CRCT1: variants seen among roughly 807,000 people sequenced by gnomAD.
CRCT1 encodes the protein cysteine-rich C-terminal protein 1.
For missense variants in CRCT1, 160 were observed against 136.3 expected (o/e 1.17, Z -0.87); for synonymous variants, 86 against 60.3 (o/e 1.43, Z -1.98).
In CRCT1 at chr1:152,515,459, G is replaced by A; in HGVS notation, c.76G>A (p.Ala26Thr). The change falls in exon 2 of 2, where the codon GCC becomes ACC. Residue 26 changes from alanine (A) to threonine (T), a missense_variant. Coordinates refer to ENST00000368790, the MANE Select transcript of CRCT1 (RefSeq NM_019060.3). The stretch of plus-strand genomic sequence containing the variant: ...GTCCCAGGGCCCCGCTCCGTGTCCC[G>A]CCCCGGCGCCCACCCCGGCGCCCGC... ...GSSQGPAPCP[A>T]PAPTPAPASS... The A allele has an allele frequency of 1.2e-6, 2 of 1,602,052 alleles. No homozygotes were observed. The highest frequency in any genetic ancestry group is 1.7e-6 in the Non-Finnish European group (2 of 1,176,998).
At chr1:152,514,851 A>G (rs377215958) in intron 1 of CRCT1, among the ~76,000 whole-genome samples, 8 of 152,302 alleles carry the variant, frequency 5.3e-5, no homozygotes, top group African/African-American at 1.9e-4. Flanking sequence ...GTTGTGGGGC[A>G]TGAGAGGCGT....
chr1:152,514,859 C>T (rs776767146), intron 1 of CRCT1, among the ~76,000 whole-genome samples: 14 of 152,070 alleles, frequency 9.2e-5, no homozygotes, highest in East Asian at 1.9e-4. Context: ...GCATGAGAGG[C>T]GTAGGCAAGA....
Position 152,515,862 on chromosome 1 carries a change from A to T in CRCT1, c.*179A>T, listed in dbSNP as rs115253947. 1.8e-3 allele frequency: 1,958 copies of T among 1,087,758 alleles called. 25 individuals carry two copies. In the African/African-American group the frequency reaches 0.021, roughly 12 times the overall value. 67.4% of individuals were successfully genotyped at this position (1,087,758 alleles called of 1,614,324 possible). A position where few individuals can be genotyped will look rare whatever the true frequency, so the allele number is the denominator to read the frequency against. ...CGCAAAACTCCCTGACCCCGATGTG[A>T]TTTTTCTCCCCGGGGATTCGAGAGC... On this transcript the variant is annotated 3_prime_UTR_variant, in exon 2 of 2. Transcript: ENST00000368790.
chr1:152,515,913 G>C lies in CRCT1; in HGVS notation c.*230G>C. 1 of 590,120 alleles carries C rather than the reference G, an allele frequency of 1.7e-6. No individual in the cohort carries two copies. Among genetic ancestry groups the C allele is most frequent in the Non-Finnish European group, 2.8e-6 (1 of 361,238 alleles). 36.6% of individuals were successfully genotyped at this position (590,120 alleles called of 1,614,324 possible). A position where few individuals can be genotyped will look rare whatever the true frequency, so the allele number is the denominator to read the frequency against. Reference sequence around the variant, plus strand: ...CATGCGTGGGACACTGGACCCTACTGTCTACACGGGCTTGCACACAGCAGG... The same window carrying C: ...CATGCGTGGGACACTGGACCCTACTCTCTACACGGGCTTGCACACAGCAGG... On this transcript the variant is annotated 3_prime_UTR_variant, in exon 2 of 2. Coordinates refer to ENST00000368790, the MANE Select transcript of CRCT1 (RefSeq NM_019060.3).
At chr1:152,515,039 T>C (rs1157477832) in intron 1 of CRCT1, among the ~76,000 whole-genome samples, 1 of 152,130 alleles carries the variant, frequency 6.6e-6, no homozygotes, top group Non-Finnish European at 1.5e-5. Context: ...CAAGTGGAGA[T>C]TTTGGACTGG....
Position 152,515,653 on chromosome 1 carries a change from C to A in CRCT1, c.270C>A (p.Asn90Lys). The change falls in exon 2 of 2, where the codon AAC becomes AAA. Residue 90 changes from asparagine to lysine, a missense_variant. Coordinates refer to ENST00000368790, the MANE Select transcript of CRCT1 (RefSeq NM_019060.3). ...GGSQRSQRSN[N>K]RSSGCCSGC ...GCCAGAGGTCCCAGCGCTCCAACAACCGGAGCTCAGGATGCTGCTCCGGCT... is the reference window on the plus strand; with the variant it reads ...GCCAGAGGTCCCAGCGCTCCAACAAACGGAGCTCAGGATGCTGCTCCGGCT... The A allele has an allele frequency of 6.4e-7, 1 of 1,565,790 alleles. No homozygotes were observed.
chr1:152,515,405 G>A lies in CRCT1; in HGVS notation c.22G>A (p.Val8Ile), dbSNP rs1658716513. 6.4e-7 allele frequency: 1 copy of A among 1,559,428 alleles called. No homozygotes were observed. Reference sequence around the variant, plus strand: ...CGCGATGTCCTCTCAACAGAGCGCCGTTTCCGCCAAAGGCTTTTCCAAGGG... The same window carrying A: ...CGCGATGTCCTCTCAACAGAGCGCCATTTCCGCCAAAGGCTTTTCCAAGGG... MSSQQSAVSAKGFSKGSS... is the reference protein window; with the variant it reads MSSQQSAISAKGFSKGSS... Residue 8 changes from valine (V) to isoleucine (I), a missense_variant, in exon 2 of 2, where the codon GTT becomes ATT. By Grantham distance (29) the Val-to-Ile change is conservative. Transcript: ENST00000368790.
rs1375400951 is a variant in CRCT1, at chr1:152,515,630, C to G, written c.247C>G (p.Gln83Glu). The change falls in exon 2 of 2, where the codon CAG (glutamine) becomes GAG (glutamate). Residue 83 changes from glutamine (Q) to glutamate (E), a missense_variant. Coordinates refer to ENST00000368790, the MANE Select transcript of CRCT1 (RefSeq NM_019060.3). ...TTGCTGCTGCTGCGGGGGCGGCAGCCAGAGGTCCCAGCGCTCCAACAACCG... is the reference window on the plus strand; with the variant it reads ...TTGCTGCTGCTGCGGGGGCGGCAGCGAGAGGTCCCAGCGCTCCAACAACCG... Reference protein sequence around the residue: ...SGCCCCGGGSQRSQRSNNRSS... With the variant: ...SGCCCCGGGSERSQRSNNRSS... 1.3e-6 allele frequency: 2 copies of G among 1,580,790 alleles called. No individual in the cohort carries two copies. Among genetic ancestry groups the G allele is most frequent in the Middle Eastern group, 2.3e-4 (1 of 4,416 alleles).
Position 152,515,941 on chromosome 1 carries a change from C to T in CRCT1, c.*258C>T. 2.3e-6 allele frequency: 1 copy of T among 444,216 alleles called. No individual in the cohort carries two copies. Among genetic ancestry groups the T allele is most frequent in the East Asian group, 3.6e-5 (1 of 28,004 alleles). The allele number at this position is 444,216 out of a possible 1,614,324, so 27.5% of individuals were successfully genotyped here. A position where few individuals can be genotyped will look rare whatever the true frequency, so the allele number is the denominator to read the frequency against. On this transcript the variant is annotated 3_prime_UTR_variant, in exon 2 of 2. Transcript: ENST00000368790. ...TACACGGGCTTGCACACAGCAGGTG[C>T]TCAGCAAATGTCTATTGATTTGATT...
Position 152,515,910 on chromosome 1 carries a change from A to G in CRCT1, c.*227A>G. 1.6e-6 allele frequency: 1 copy of G among 622,858 alleles called. No homozygotes were observed. The highest frequency in any genetic ancestry group is 3.8e-5 in the Admixed American group (1 of 26,518). 38.6% of individuals were successfully genotyped at this position (622,858 alleles called of 1,614,324 possible). A position where few individuals can be genotyped will look rare whatever the true frequency, so the allele number is the denominator to read the frequency against. ...AGCCATGCGTGGGACACTGGACCCT[A>G]CTGTCTACACGGGCTTGCACACAGC... On this transcript the variant is annotated 3_prime_UTR_variant, in exon 2 of 2. Coordinates refer to ENST00000368790, the MANE Select transcript of CRCT1 (RefSeq NM_019060.3).
In CRCT1 at chr1:152,515,824, T is replaced by G. The variant is rs1430180887; in HGVS notation, c.*141T>G. On this transcript the variant is annotated 3_prime_UTR_variant, in exon 2 of 2. Coordinates refer to ENST00000368790, the MANE Select transcript of CRCT1 (RefSeq NM_019060.3). Reference sequence around the variant, plus strand: ...GCACTTTGATGTTCAGAAACCCACTTTGTTCTCAGCCACGCAAAACTCCCT... The same window carrying G: ...GCACTTTGATGTTCAGAAACCCACTGTGTTCTCAGCCACGCAAAACTCCCT... 3 of 1,352,686 alleles carry G rather than the reference T, an allele frequency of 2.2e-6. No individual in the cohort carries two copies. The highest frequency in any genetic ancestry group is 2.9e-6 in the Non-Finnish European group (3 of 1,032,628). 83.8% of individuals were successfully genotyped at this position (1,352,686 alleles called of 1,614,324 possible).
In CRCT1 at chr1:152,515,876, G is replaced by A. The variant is rs1658741644; in HGVS notation, c.*193G>A. The A allele has an allele frequency of 2.1e-6, 2 of 974,252 alleles. No homozygotes were observed. The highest frequency in any genetic ancestry group is 1.7e-5 in the African/African-American group (1 of 57,732). The allele number at this position is 974,252 out of a possible 1,614,324, so 60.4% of individuals were successfully genotyped here. On this transcript the variant is annotated 3_prime_UTR_variant, in exon 2 of 2. Coordinates refer to ENST00000368790, the MANE Select transcript of CRCT1 (RefSeq NM_019060.3). Reference sequence around the variant, plus strand: ...ACCCCGATGTGATTTTTCTCCCCGGGGATTCGAGAGCCATGCGTGGGACAC... The same window carrying A: ...ACCCCGATGTGATTTTTCTCCCCGGAGATTCGAGAGCCATGCGTGGGACAC...
At chr1:152,514,837 C>A (rs914525409) in intron 1 of CRCT1, among the ~76,000 whole-genome samples, 1 of 152,180 alleles carries the variant, frequency 6.6e-6, no homozygotes, top group Admixed American at 6.5e-5. Context: ...TCCTTTCCCA[C>A]ATGGTTGTGG....
In CRCT1 at chr1:152,515,546, T is replaced by G. The variant is rs545989560; in HGVS notation, c.163T>G (p.Ser55Ala). The G allele has an allele frequency of 1.3e-5, 20 of 1,594,252 alleles. 1 individual carries two copies. In the South Asian group the frequency reaches 2.0e-4, roughly 16 times the overall value. Residue 55 changes from serine (S) to alanine (A), a missense_variant, in exon 2 of 2, where the codon TCC becomes GCC. Coordinates refer to ENST00000368790, the MANE Select transcript of CRCT1 (RefSeq NM_019060.3). The part of the protein sequence containing the change: ...GCCGDSGCCG[S>A]SSTSCCCFPR... ...CTGCGGCGACTCAGGCTGCTGCGGCTCCAGCTCCACCAGTTGCTGCTGCTT... is the reference window on the plus strand; with the variant it reads ...CTGCGGCGACTCAGGCTGCTGCGGCGCCAGCTCCACCAGTTGCTGCTGCTT...
rs1208850285 is a variant in CRCT1 at position 152,515,680 on chromosome 1, C to T, written c.297C>T (p.Cys99=). The T allele has an allele frequency of 2.6e-6, 4 of 1,512,746 alleles. No homozygotes were observed. The highest frequency in any genetic ancestry group is 3.5e-6 in the Non-Finnish European group (4 of 1,129,172). The allele number at this position is 1,512,746 out of a possible 1,614,324, so 93.7% of individuals were successfully genotyped here. ...GGAGCTCAGGATGCTGCTCCGGCTG[C>T]TGAGAGGCCCGCAACCCCCAGCGCT... ...NNRSSGCCSG[C] Residue 99 remains cysteine, a synonymous_variant, in exon 2 of 2, where the codon TGC becomes TGT. Transcript: ENST00000368790.
Position 152,514,860 on chromosome 1 carries a change from G to A in CRCT1, c.-23+308G>A, listed in dbSNP as rs180694636. 1.3e-3 allele frequency among the ~76,000 whole-genome samples: 197 copies of A among 152,276 alleles called. 4 individuals are homozygous for A. The East Asian group carries it at 0.025, about 19-fold the overall frequency. On this transcript the variant is annotated intron_variant, in intron 1 of 1. Coordinates refer to ENST00000368790, the MANE Select transcript of CRCT1 (RefSeq NM_019060.3). Reference sequence around the variant, plus strand: ...CACATGGTTGTGGGGCATGAGAGGCGTAGGCAAGAAAGAATGATCAGGACA... The same window carrying A: ...CACATGGTTGTGGGGCATGAGAGGCATAGGCAAGAAAGAATGATCAGGACA...
At chr1:152,514,742 G>A (rs1017752741) in intron 1 of CRCT1, among the ~76,000 whole-genome samples, 190 bp downstream of exon 1, 3 of 152,094 alleles carry the variant, frequency 2.0e-5, no homozygotes, top group African/African-American at 7.2e-5. Context: ...TTTTGCAAGG[G>A]TACACAGCAA....
intron 1 of CRCT1, 34 bp from the exon 2 acceptor site, chr1:152,515,328 C>G (rs891396996): frequency 7.5e-6 from 11 of 1,469,434 alleles, no homozygotes; most frequent in Non-Finnish European, 9.0e-6. Flanking sequence ...AAAGAAAAAG[C>G]CGGCTCGCCT....
chr1:152,515,138 G>A (rs185361002), intron 1 of CRCT1, among the ~76,000 whole-genome samples: 37 of 152,302 alleles, frequency 2.4e-4, no homozygotes, highest in Admixed American at 8.5e-4. Context: ...AAATGGAAAT[G>A]CATTGATTCA....
Sources: gnomAD v4.1 joint callset for allele counts (sites outside exome capture counted in the v4.1 genomes callset) on GRCh38, gnomAD v4.1.1 for gene constraint, MANE v1.5 for transcripts, NCBI Gene and HGNC (gene_info 2026-07-23, HGNC 2026-07-21) for gene names.